The following GRM8 variants were observed in gnomAD, a reference collection of about 807,000 sequenced individuals.
GRM8 encodes the protein metabotropic glutamate receptor 8.
Under a neutral mutation model 87.2 loss-of-function variants are expected in GRM8, and 47 were observed. That is an observed-to-expected ratio of 0.54 (90% CI 0.43 to 0.69). The LOEUF is 0.69. GRM8 is among the 30% of genes least tolerant of loss of function. The probability of loss-of-function intolerance (pLI) is 0.00; values close to 1 mark genes in which losing one functional copy is unlikely to be tolerated. For synonymous variants in GRM8, 396 were observed against 404.5 expected (o/e 0.98, Z 0.25); for missense variants, 1,019 against 1,139.2 (o/e 0.89, Z 1.52).
chr7:126,904,466 T>C, intron 4 of GRM8, 82 bp downstream of exon 4: 2 of 1,358,092 alleles, frequency 1.5e-6, no homozygotes, highest in South Asian at 1.3e-5. Context: ...ATTACAAGCT[T>C]TTATGTTGAA....
At chr7:126,850,628 A>G (rs1003406884) in intron 6 of GRM8, among the ~76,000 whole-genome samples, 5 of 152,236 alleles carry the variant, frequency 3.3e-5, no homozygotes, top group African/African-American at 1.2e-4. Flanking sequence ...TGAAACTTCT[A>G]TGATTATCTC....
chr7:126,512,714 C>G (rs1317253586), intron 9 of GRM8: 1 of 152,114 alleles, frequency 6.6e-6, no homozygotes, highest in African/African-American at 2.4e-5. Flanking sequence ...TCCTGACCAT[C>G]CAAACCATGC....
Position 127,243,415 on chromosome 7 carries a change from C to A in GRM8, c.-211G>T. 1 of 553,390 alleles carries A rather than the reference C, an allele frequency of 1.8e-6. No individual in the cohort carries two copies. Among genetic ancestry groups the A allele is most frequent in the Non-Finnish European group, 3.2e-6 (1 of 315,648 alleles). The allele number at this position is 553,390 out of a possible 1,614,324, so 34.3% of individuals were successfully genotyped here. On this transcript the variant is annotated 5_prime_UTR_variant, in exon 2 of 11. Coordinates refer to ENST00000339582, the MANE Select transcript of GRM8 (RefSeq NM_000845.3). ...CAATTTTATTTCCTTATAAGATCAACTTGCCTGGAATGGTGCAAAAATTAG... is the reference window on the plus strand; with the variant it reads ...CAATTTTATTTCCTTATAAGATCAAATTGCCTGGAATGGTGCAAAAATTAG...
intron 3 of GRM8, among the ~76,000 whole-genome samples, chr7:127,079,121 T>C (rs17864122): frequency 9.2e-4 from 140 of 152,250 alleles, no homozygotes; most frequent in South Asian, 1.9e-3. Flanking sequence ...TGTTTCTTTT[T>C]TCTTTCTTTC....
At chr7:127,198,068 C>T (rs1795386476) in intron 2 of GRM8, among the ~76,000 whole-genome samples, 2 of 151,810 alleles carry the variant, frequency 1.3e-5, no homozygotes, top group South Asian at 4.2e-4. Flanking sequence ...ATTTGTTTAA[C>T]CAATATTCAT....
At position 127,238,306 on chromosome 7, in the gene GRM8, A is replaced by G. The variant is rs4448211; in HGVS notation, c.510+4389T>C. Among the ~76,000 whole-genome samples the G allele has an allele frequency of 1.4e-3, 203 of 146,866 alleles. 2 individuals are homozygous for G. Among genetic ancestry groups the G allele is most frequent in the Admixed American group, 1.6e-3 (24 of 14,758 alleles). On this transcript the variant is annotated intron_variant, in intron 2 of 10. Coordinates refer to ENST00000339582, the MANE Select transcript of GRM8 (RefSeq NM_000845.3). ...TAGCTGATATACGATGTGTGTGTGC[A>G]TGTGTGTGTGTGTGTGTGTGTGTGT...
intron 3 of GRM8, among the ~76,000 whole-genome samples, chr7:127,004,370 A>T (rs1183288755): frequency 6.6e-6 from 1 of 151,708 alleles, no homozygotes; most frequent in East Asian, 1.9e-4. Flanking sequence ...TAAATTACTC[A>T]CTAGAGGAAA....
intron 7 of GRM8, among the ~76,000 whole-genome samples, chr7:126,704,125 T>A (rs1360681875): frequency 6.6e-6 from 1 of 152,160 alleles, no homozygotes; most frequent in Admixed American, 6.5e-5. Flanking sequence ...GGACCCCGAA[T>A]GGAGGGACTG....
intron 7 of GRM8, among the ~76,000 whole-genome samples, chr7:126,726,681 GA>G (rs1355943736): frequency 1.3e-5 from 2 of 152,150 alleles, no homozygotes; most frequent in Admixed American, 6.5e-5. Context: ...AGAGGAATTG[GA>G]AAGTATCTGC....
At chr7:126,633,020 T>C (rs1801495386) in intron 7 of GRM8, among the ~76,000 whole-genome samples, 1 of 152,134 alleles carries the variant, frequency 6.6e-6, no homozygotes, top group Admixed American at 6.6e-5. Flanking sequence ...CCTGTAATAA[T>C]CATTTTATTT....
At chr7:126,672,034 G>T (rs1306222974) in intron 7 of GRM8, among the ~76,000 whole-genome samples, 2 of 152,294 alleles carry the variant, frequency 1.3e-5, no homozygotes, top group African/African-American at 4.8e-5. Context: ...AATAACAGAA[G>T]TTAAAAGGCA....
chr7:126,601,735 G>A (rs1173832254), intron 8 of GRM8, among the ~76,000 whole-genome samples: 3 of 148,512 alleles, frequency 2.0e-5, no homozygotes, highest in South Asian at 4.4e-4. Flanking sequence ...GTCTTCTTTT[G>A]AGAAGTGTCT....
At chr7:127,234,502 A>G (rs1037388751) in intron 2 of GRM8, among the ~76,000 whole-genome samples, 4 of 152,218 alleles carry the variant, frequency 2.6e-5, no homozygotes, top group Non-Finnish European at 4.4e-5. Flanking sequence ...GTGTCAAAAG[A>G]AAAAAGCTGC....
rs1262970261 is a variant in GRM8 at position 126,482,400 on chromosome 7, TAA to T, written c.2431-36030_2431-36029del. Reference sequence around the variant, plus strand: ...TAAGAGATAAAACCTGGAAACAACTTAAGTGTCCACTGACAGATGAATGGAAA... The same window carrying T: ...TAAGAGATAAAACCTGGAAACAACTTGTGTCCACTGACAGATGAATGGAAA... On this transcript the variant is annotated intron_variant, in intron 9 of 10. Transcript: ENST00000339582. Among the ~76,000 whole-genome samples the T allele has an allele frequency of 4.6e-5, 7 of 152,100 alleles. No homozygotes were observed. The East Asian group carries it at 9.7e-4, about 21-fold the overall frequency.
intron 9 of GRM8, among the ~76,000 whole-genome samples, chr7:126,452,359 ACCAATATG>A (rs1249504638): frequency 6.6e-6 from 1 of 151,186 alleles, no homozygotes; most frequent in Non-Finnish European, 1.5e-5. Flanking sequence ...GGTGCAGCAC[ACCAATATG>A]GCACATGTAT....
At chr7:126,610,980 T>G (rs1315196890) in intron 7 of GRM8, among the ~76,000 whole-genome samples, 1 of 152,186 alleles carries the variant, frequency 6.6e-6, no homozygotes, top group Non-Finnish European at 1.5e-5. Flanking sequence ...TTCCACAACT[T>G]GTGTATGTCC....
chr7:126,963,167 G>T (rs1228536684), intron 3 of GRM8, among the ~76,000 whole-genome samples: 1 of 152,030 alleles, frequency 6.6e-6, no homozygotes, highest in Non-Finnish European at 1.5e-5. Context: ...ACAAAAATAA[G>T]GCTCTCTATA....
intron 8 of GRM8, among the ~76,000 whole-genome samples, chr7:126,605,486 G>A (rs2151088321): frequency 6.6e-6 from 1 of 152,162 alleles, no homozygotes; most frequent in Middle Eastern, 3.4e-3. Flanking sequence ...ATATTTTCCA[G>A]GAAAAAGAAA....
chr7:127,135,941 C>A (rs1435685501), intron 2 of GRM8, among the ~76,000 whole-genome samples: 1 of 152,016 alleles, frequency 6.6e-6, no homozygotes, highest in Non-Finnish European at 1.5e-5. Context: ...TTGTAGGAGT[C>A]CCACAGAAGT....
Sources: gnomAD v4.1 joint callset for allele counts (sites outside exome capture counted in the v4.1 genomes callset) on GRCh38, gnomAD v4.1.1 for gene constraint, MANE v1.5 for transcripts, NCBI Gene and HGNC (gene_info 2026-07-23, HGNC 2026-07-21) for gene names.